Variants in AAMDC observed in about 807,000 individuals in gnomAD.
AAMDC encodes the protein mth938 domain-containing protein.
A neutral mutation model predicts 15.5 loss-of-function variants in AAMDC; 16 were observed. The ratio of observed to expected loss-of-function variants is 1.03; its 90% CI spans 0.70 to 1.57. The LOEUF (loss-of-function observed/expected upper bound fraction) is 1.57, where lower values mean the gene tolerates loss of function less well. Ranked by LOEUF, AAMDC falls within the 40% of genes most tolerant of loss-of-function variation. AAMDC has a pLI of 0.00. For missense variants in AAMDC, 141 were observed against 144.9 expected, an observed-to-expected ratio of 0.97 and a Z score of 0.14; for synonymous variants, 51 against 51.6, an observed-to-expected ratio of 0.99 and a Z score of 0.05.
At chr11:77,904,827 ATAGTTGCATCATGT>A (rs1390556705), downstream of AAMDC, among the ~76,000 whole-genome samples, 1 of 152,164 alleles carries the variant, frequency 6.6e-6, no homozygotes, top group Non-Finnish European at 1.5e-5. Context: ...TGTATGCAGG[ATAGTTGCATCATGT>A]TAGTTGTATC....
intron 5 of AAMDC, among the ~76,000 whole-genome samples, chr11:77,894,956 T>C (rs1232023438): frequency 6.6e-6 from 1 of 152,220 alleles, no homozygotes; most frequent in African/African-American, 2.4e-5. Context: ...CCTACTAATG[T>C]AGTTGATACT....
intron 2 of AAMDC, among the ~76,000 whole-genome samples, chr11:77,857,575 A>G (rs961499280): frequency 6.6e-6 from 1 of 151,782 alleles, no homozygotes; most frequent in African/African-American, 2.4e-5. Flanking sequence ...ATTTTGTTTT[A>G]TTTATTTATT....
intron 2 of AAMDC, among the ~76,000 whole-genome samples, chr11:77,853,026 G>A (rs779970625): frequency 5.3e-5 from 8 of 151,604 alleles, no homozygotes; most frequent in Non-Finnish European, 1.2e-4. Flanking sequence ...TTTTTGTATT[G>A]TTGAAAGTGT....
intron 2 of AAMDC, among the ~76,000 whole-genome samples, chr11:77,848,947 T>C (rs988013764): frequency 6.6e-6 from 1 of 152,094 alleles, no homozygotes; most frequent in African/African-American, 2.4e-5. Context: ...TGTGCCACAA[T>C]GCCTGGCTAA....
chr11:77,865,046 T>C (rs1283188038), intron 2 of AAMDC, among the ~76,000 whole-genome samples: 2 of 152,202 alleles, frequency 1.3e-5, no homozygotes, highest in Non-Finnish European at 2.9e-5. Flanking sequence ...TGGACCCATA[T>C]AGTTGAATTC....
chr11:77,821,258 A>G lies in AAMDC; in HGVS notation c.-19+17A>G. 4.4e-6 allele frequency: 1 copy of G among 229,322 alleles called. No homozygotes were observed. The highest frequency in any genetic ancestry group is 8.4e-6 in the Non-Finnish European group (1 of 118,472). The allele number at this position is 229,322 out of a possible 1,614,324, so 14.2% of individuals were successfully genotyped here. A position where few individuals can be genotyped will look rare whatever the true frequency, so the allele number is the denominator to read the frequency against. On this transcript the variant is annotated intron_variant, in intron 1 of 3. Coordinates refer to ENST00000393427, the MANE Select transcript of AAMDC (RefSeq NM_024684.4). ...GTGCGGTGGGTGAGTTTGCGGGGGA[A>G]TCCTGAAACTGGGCCACGAGATGGT...
chr11:77,855,719 T>TC (rs1402705636), intron 2 of AAMDC, among the ~76,000 whole-genome samples: 1 of 39,682 alleles, frequency 2.5e-5, no homozygotes, highest in African/African-American at 1.1e-4. Flanking sequence ...CAGTTTTATG[T>TC]CTTTTTTTTT....
At position 77,869,306 on chromosome 11, in the gene AAMDC, C is replaced by CTCTTTTT. The variant is rs1555014194; in HGVS notation, c.133-415_133-414insCTTTTTT. Reference sequence around the variant, plus strand: ...TTTCCCGGATTTCGTTTATTTATCTCTTTTTCTTTTTTTTTTTTTTTTTTT... The same window carrying CTCTTTTT: ...TTTCCCGGATTTCGTTTATTTATCTCTCTTTTTTTTTTCTTTTTTTTTTTTTTTTTTT... On this transcript the variant is annotated intron_variant, in intron 2 of 3. Transcript: ENST00000393427. 8.3e-5 allele frequency: 10 copies of CTCTTTTT among 120,402 alleles called. 1 individual carries two copies. Among genetic ancestry groups the CTCTTTTT allele is most frequent in the Non-Finnish European group, 1.1e-4 (6 of 56,940 alleles). The allele number at this position is 120,402 out of a possible 1,614,324, so 7.5% of individuals were successfully genotyped here. A position where few individuals can be genotyped will look rare whatever the true frequency, so the allele number is the denominator to read the frequency against.
At chr11:77,903,657 G>A (rs989788664), downstream of AAMDC, 7 of 1,542,906 alleles carry the variant, frequency 4.5e-6, no homozygotes, top group African/African-American at 8.2e-5. Flanking sequence ...GAATACCGAG[G>A]TCACAAAGAC....
At position 77,872,121 on chromosome 11, in the gene AAMDC, G is replaced by A. The variant is rs968985680; in HGVS notation, c.229-54G>A. On this transcript the variant is annotated intron_variant, in intron 3 of 3. Transcript: ENST00000393427. ...GTACACCTGCCTCATGGCAGTAAAGGAACCCCTGGGGGGCCTTTCCCCCTA... is the reference window on the plus strand; with the variant it reads ...GTACACCTGCCTCATGGCAGTAAAGAAACCCCTGGGGGGCCTTTCCCCCTA... 51 of 1,569,302 alleles carry A rather than the reference G, an allele frequency of 3.2e-5. 1 individual carries two copies. The highest frequency in any genetic ancestry group is 9.3e-5 in the Admixed American group (5 of 53,550).
downstream of AAMDC, among the ~76,000 whole-genome samples, chr11:77,901,741 A>T (rs1303625652): frequency 1.3e-5 from 2 of 151,984 alleles, no homozygotes; most frequent in Non-Finnish European, 2.9e-5. Context: ...TTGCCTACTT[A>T]AAAAGAAGAC....
chr11:77,899,003 G>A (rs1159800931), intron 5 of AAMDC, among the ~76,000 whole-genome samples: 2 of 151,422 alleles, frequency 1.3e-5, no homozygotes, highest in African/African-American at 2.5e-5. Flanking sequence ...CTGGGTGATA[G>A]AGCAAGACTC....
chr11:77,840,057 A>G (rs2136124475), intron 1 of AAMDC, among the ~76,000 whole-genome samples: 1 of 151,568 alleles, frequency 6.6e-6, no homozygotes, highest in Non-Finnish European at 1.5e-5. Flanking sequence ...ATAGCATGTT[A>G]TCATTTCTGT....
At chr11:77,853,502 T>C (rs571663430) in intron 2 of AAMDC, among the ~76,000 whole-genome samples, 7 of 152,208 alleles carry the variant, frequency 4.6e-5, no homozygotes, top group Non-Finnish European at 8.8e-5. Flanking sequence ...AGGGGGATAT[T>C]GGCCCCATGA....
At chr11:77,834,697 G>C (rs551657415) in intron 1 of AAMDC, among the ~76,000 whole-genome samples, 69 of 152,124 alleles carry the variant, frequency 4.5e-4, no homozygotes, top group Non-Finnish European at 7.9e-4. Flanking sequence ...TTACAGACGT[G>C]AGCCACTGCG....
At chr11:77,880,836 A>AG (rs1167286208) in intron 5 of AAMDC, among the ~76,000 whole-genome samples, 1 of 152,148 alleles carries the variant, frequency 6.6e-6, no homozygotes, top group Non-Finnish European at 1.5e-5. Context: ...CTCAGTTACT[A>AG]GGGGGACTGA....
chr11:77,840,791 C>T (rs1258762931), intron 1 of AAMDC, among the ~76,000 whole-genome samples: 5 of 152,046 alleles, frequency 3.3e-5, no homozygotes, highest in Non-Finnish European at 7.4e-5. Flanking sequence ...TGAAGAGTGA[C>T]ATTTTAGATA....
chr11:77,878,158 C>A (rs192473715), intron 5 of AAMDC, among the ~76,000 whole-genome samples: 81 of 152,144 alleles, frequency 5.3e-4, no homozygotes, highest in Non-Finnish European at 1.1e-3. Flanking sequence ...GTCAGGAGAT[C>A]AAGACCATCC....
At chr11:77,903,687 T>C (rs1952850415), downstream of AAMDC, 1 of 1,266,830 alleles carries the variant, frequency 7.9e-7, no homozygotes, top group South Asian at 1.4e-5. Context: ...ATTTGGGATT[T>C]ACATTTTTGT....
Sources: gnomAD v4.1 joint callset for allele counts (sites outside exome capture counted in the v4.1 genomes callset) on GRCh38, gnomAD v4.1.1 for gene constraint, MANE v1.5 for transcripts, NCBI Gene and HGNC (gene_info 2026-07-23, HGNC 2026-07-21) for gene names.